CACNA2D2: variants seen among roughly 807,000 people sequenced by gnomAD.
The protein encoded by CACNA2D2 is voltage-dependent calcium channel subunit alpha-2/delta-2.
CACNA2D2 carries 48 observed loss-of-function variants against 166.4 expected under a neutral mutation model. That is an observed-to-expected ratio of 0.29 (90% confidence interval 0.23 to 0.37). CACNA2D2 has a LOEUF of 0.37. Among genes scored for constraint, CACNA2D2 ranks in the 10% least tolerant of loss-of-function variants. The pLI, the probability that CACNA2D2 is intolerant of heterozygous loss-of-function variation, is 1.00. For missense variants in CACNA2D2, 1,122 were observed against 1,433.0 expected, an observed-to-expected ratio of 0.78 and a Z score of 3.50; for synonymous variants, 561 against 573.7, an observed-to-expected ratio of 0.98 and a Z score of 0.32.
chr3:50,465,995 G>A (rs2107034201), intron 2 of CACNA2D2, among the ~76,000 whole-genome samples: 1 of 152,278 alleles, frequency 6.6e-6, no homozygotes, highest in Middle Eastern at 3.4e-3. Context: ...ATGAGGCTCT[G>A]GCTCCTTGCT....
At chr3:50,372,899 C>A (rs1252823309) in intron 22 of CACNA2D2, among the ~76,000 whole-genome samples, 1 of 151,174 alleles carries the variant, frequency 6.6e-6, no homozygotes, top group Non-Finnish European at 1.5e-5. Flanking sequence ...CTCATAGGGG[C>A]TTAGGAATCA....
chr3:50,389,972 TG>T (rs1705805834), intron 4 of CACNA2D2, among the ~76,000 whole-genome samples: 1 of 140,874 alleles, frequency 7.1e-6, no homozygotes, highest in Non-Finnish European at 1.5e-5. Flanking sequence ...ATGCATGATG[TG>T]GTGTGGAGCT....
intron 2 of CACNA2D2, among the ~76,000 whole-genome samples, chr3:50,455,303 G>A (rs1709302671): frequency 6.6e-6 from 1 of 152,194 alleles, no homozygotes; most frequent in African/African-American, 2.4e-5. Flanking sequence ...CAGATGAGCG[G>A]CATAATCACT....
intron 23 of CACNA2D2, 119 bp from the exon 24 acceptor site, chr3:50,368,354 C>A: frequency 1.4e-6 from 1 of 702,166 alleles, no homozygotes; most frequent in Admixed American, 2.2e-5. Context: ...CAGGGAGGGG[C>A]ACATGGGTTC....
At chr3:50,493,382 A>G (rs1419172885) in intron 1 of CACNA2D2, among the ~76,000 whole-genome samples, 2 of 152,230 alleles carry the variant, frequency 1.3e-5, no homozygotes, top group Non-Finnish European at 2.9e-5. Flanking sequence ...GCTTCTGGGC[A>G]AGGTTTCCTC....
At chr3:50,402,133 T>A (rs898755814) in intron 3 of CACNA2D2, among the ~76,000 whole-genome samples, 2 of 152,206 alleles carry the variant, frequency 1.3e-5, no homozygotes, top group African/African-American at 4.8e-5. Context: ...TCATTGCTTT[T>A]TTGCTTTAAA....
intron 23 of CACNA2D2, 51 bp downstream of exon 23, chr3:50,370,268 CG>C: frequency 7.6e-7 from 1 of 1,313,846 alleles, no homozygotes; most frequent in South Asian, 1.3e-5. Context: ...GAGGTGGGGC[CG>C]GGGCGGTCAG....
chr3:50,375,788 C>G lies in CACNA2D2; in HGVS notation c.1845+21G>C. The G allele has an allele frequency of 6.2e-7, 1 of 1,612,898 alleles. No individual in the cohort carries two copies. The highest frequency in any genetic ancestry group is 1.3e-5 in the African/African-American group (1 of 75,040). On this transcript the variant is annotated intron_variant, in intron 20 of 37. Coordinates refer to ENST00000424201, the MANE Select transcript of CACNA2D2 (RefSeq NM_006030.4). The surrounding 1 kb of genome is among the most constrained non-coding windows in gnomAD (Gnocchi z 4.0). ...AAGGGTGCCCACCCTGACTCCCTGG[C>G]CCCCAGCCCTGCCTCCTTACCTCAT... is the stretch of plus-strand genomic sequence containing the variant.
chr3:50,501,430 C>T (rs1185884411), intron 1 of CACNA2D2, among the ~76,000 whole-genome samples: 1 of 149,350 alleles, frequency 6.7e-6, no homozygotes, highest in Non-Finnish European at 1.5e-5. Context: ...AGACATGTCC[C>T]AAACCCCCAA....
chr3:50,410,945 C>T (rs1426516950), intron 3 of CACNA2D2, among the ~76,000 whole-genome samples: 1 of 152,242 alleles, frequency 6.6e-6, no homozygotes, highest in Non-Finnish European at 1.5e-5. Flanking sequence ...TCCATGCTGC[C>T]AACATGTGCT....
intron 22 of CACNA2D2, among the ~76,000 whole-genome samples, chr3:50,372,675 C>A (rs587691573): frequency 2.3e-4 from 35 of 152,256 alleles, no homozygotes; most frequent in Non-Finnish European, 4.1e-4. Context: ...GCTGATCTAC[C>A]CCCTGCATCT....
At chr3:50,395,175 C>T (rs1050461373) in intron 3 of CACNA2D2, among the ~76,000 whole-genome samples, 2 of 152,216 alleles carry the variant, frequency 1.3e-5, no homozygotes, top group Non-Finnish European at 2.9e-5. Context: ...CAACTGGCCA[C>T]CTACTGCACA....
intron 1 of CACNA2D2, among the ~76,000 whole-genome samples, chr3:50,490,186 A>G (rs575059162): frequency 1.3e-5 from 2 of 152,310 alleles, no homozygotes; most frequent in East Asian, 3.9e-4. Context: ...TCCCTGGGAC[A>G]AGCTGCAGAT....
At chr3:50,489,696 GC>G (rs1420564099) in intron 1 of CACNA2D2, among the ~76,000 whole-genome samples, 1 of 152,172 alleles carries the variant, frequency 6.6e-6, no homozygotes, top group Admixed American at 6.5e-5. Context: ...CTCAACTCCT[GC>G]CCCTTACCTC....
intron 3 of CACNA2D2, among the ~76,000 whole-genome samples, chr3:50,422,922 G>A (rs934941585): frequency 2.0e-5 from 3 of 152,214 alleles, no homozygotes; most frequent in Non-Finnish European, 2.9e-5. Flanking sequence ...GCTCTGCTAC[G>A]CGGCCAACAG....
At chr3:50,442,996 G>C (rs1257753320) in intron 2 of CACNA2D2, among the ~76,000 whole-genome samples, 1 of 152,184 alleles carries the variant, frequency 6.6e-6, no homozygotes, top group Non-Finnish European at 1.5e-5. Context: ...ATAGCATCGG[G>C]TGGGGAATTT....
chr3:50,477,282 G>A (rs1697827889), intron 1 of CACNA2D2, among the ~76,000 whole-genome samples: 1 of 152,162 alleles, frequency 6.6e-6, no homozygotes, highest in South Asian at 2.1e-4. Context: ...TCTGGAATAC[G>A]GGGATAATTT....
At chr3:50,431,288 T>G (rs1024156464) in intron 3 of CACNA2D2, among the ~76,000 whole-genome samples, 1 of 152,054 alleles carries the variant, frequency 6.6e-6, no homozygotes, top group Non-Finnish European at 1.5e-5. Context: ...AAAGCTCATC[T>G]TCAACAATTA....
At chr3:50,502,936 G>GCC (rs111457207) in intron 1 of CACNA2D2, among the ~76,000 whole-genome samples, 5 of 150,670 alleles carry the variant, frequency 3.3e-5, no homozygotes, top group Admixed American at 1.3e-4. Context: ...AGCTCGGACC[G>GCC]CCCCCCCCCA....
Sources: allele counts gnomAD v4.1 joint callset (sites outside exome capture counted in the v4.1 genomes callset), GRCh38; gene constraint gnomAD v4.1.1; non-coding constraint Gnocchi (gnomAD v3.1); transcripts MANE v1.5; gene names NCBI Gene and HGNC (gene_info 2026-07-23, HGNC 2026-07-21).